GTF2H1: variants seen among roughly 807,000 people sequenced by gnomAD.
The protein encoded by GTF2H1 is general transcription factor IIH subunit 1, also known as BTF2 p62.
GTF2H1 carries 16 observed loss-of-function variants against 71.2 expected under a neutral mutation model. The ratio of observed to expected loss-of-function variants is 0.22; its 90% CI spans 0.15 to 0.34. The LOEUF (loss-of-function observed/expected upper bound fraction) is 0.34. Ranked by LOEUF, GTF2H1 falls within the 10% of genes least tolerant of loss-of-function variation. The pLI is 1.00. For missense variants in GTF2H1, 498 were observed against 648.2 expected, an observed-to-expected ratio of 0.77 and a Z score of 2.52; for synonymous variants, 215 against 219.0, an observed-to-expected ratio of 0.98 and a Z score of 0.16.
At position 18,322,609 on chromosome 11, in the gene GTF2H1, CAG is replaced by C. The variant is rs1371890305; in HGVS notation, c.-144_-143del. The stretch of plus-strand genomic sequence containing the variant: ...CGATGGAGGCGAGACCCCCTAGTAA[CAG>C]AGGCGGTGGCTACTGCTGCGGCCAC... On this transcript the variant is annotated 5_prime_UTR_variant, in exon 1 of 15. The change abolishes the stop of an existing upstream ORF in the 5' untranslated region. Transcript: ENST00000265963. 2 of 152,256 alleles carry C rather than the reference CAG, an allele frequency of 1.3e-5. No individual in the cohort carries two copies. The highest frequency in any genetic ancestry group is 2.4e-5 in the African/African-American group (1 of 41,452). The allele number at this position is 152,256 out of a possible 1,614,324, so 9.4% of individuals were successfully genotyped here.
intron 3 of GTF2H1, among the ~76,000 whole-genome samples, chr11:18,336,926 T>C (rs1019388055): frequency 2.6e-5 from 4 of 151,948 alleles, no homozygotes; most frequent in Non-Finnish European, 4.4e-5. Context: ...GGCCAATTTT[T>C]CTATTTTTAA....
At chr11:18,339,682 T>C in intron 5 of GTF2H1, 25 bp downstream of exon 5, 1 of 1,300,142 alleles carries the variant, frequency 7.7e-7, no homozygotes, top group Admixed American at 1.7e-5. Flanking sequence ...TTCTTTCAGA[T>C]GGTTAAAATA....
chr11:18,322,677 A>G lies in GTF2H1; in HGVS notation c.-79A>G, dbSNP rs947460135. 2.6e-5 allele frequency: 4 copies of G among 151,376 alleles called. No homozygotes were observed. The highest frequency in any genetic ancestry group is 5.9e-5 in the Non-Finnish European group (4 of 67,950). The allele number at this position is 151,376 out of a possible 1,614,324, so 9.4% of individuals were successfully genotyped here. The stretch of plus-strand genomic sequence containing the variant: ...TCCCAGCAGCGGCTCTAAGAAGCGC[A>G]GCGGAACTCGACCGGATCCAACCCA... On this transcript the variant is annotated 5_prime_UTR_variant, in exon 1 of 15. Coordinates refer to ENST00000265963, the MANE Select transcript of GTF2H1 (RefSeq NM_005316.4).
At chr11:18,357,583 A>T (rs1298216922) in intron 11 of GTF2H1, among the ~76,000 whole-genome samples, 1 of 152,206 alleles carries the variant, frequency 6.6e-6, no homozygotes, top group South Asian at 2.1e-4. Flanking sequence ...AACAAAGGAT[A>T]CAGGTTAACA....
At chr11:18,332,827 A>G (rs1864931828) in intron 1 of GTF2H1, 3 of 339,296 alleles carry the variant, frequency 8.8e-6, no homozygotes, top group Admixed American at 4.5e-5. Context: ...TCATTAGCAT[A>G]TAAGTATTGT....
intron 11 of GTF2H1, among the ~76,000 whole-genome samples, chr11:18,356,248 C>T (rs1404314676): frequency 1.3e-5 from 2 of 151,870 alleles, no homozygotes; most frequent in Admixed American, 6.6e-5. Flanking sequence ...TATGGTGGTG[C>T]GTACCTGTAG....
intron 7 of GTF2H1, among the ~76,000 whole-genome samples, chr11:18,345,305 T>C (rs1006852273): frequency 1.3e-5 from 2 of 152,326 alleles, no homozygotes; most frequent in African/African-American, 4.8e-5. Flanking sequence ...CCCTCTGTTT[T>C]ATTCAATGAC....
In GTF2H1 at chr11:18,365,789, A is replaced by G; in HGVS notation, c.1567A>G (p.Ser523Gly). 1 of 1,611,382 alleles carries G rather than the reference A, an allele frequency of 6.2e-7. No homozygotes were observed. The highest frequency in any genetic ancestry group is 1.7e-5 in the Admixed American group (1 of 59,994). The change falls in exon 15 of 15, where the codon AGT (serine) becomes GGT (glycine). Residue 523 changes from serine to glycine, a missense_variant. Transcript: ENST00000265963. ...GTCTTGCTGTGTTTTTCAGTTGGTA[A>G]GTCACATAGAAGAGATGCTCCAGAC... is the stretch of plus-strand genomic sequence containing the variant. ...RRQYLSTNLV[S>G]HIEEMLQTAY...
chr11:18,325,794 A>G (rs1864749191), intron 1 of GTF2H1, among the ~76,000 whole-genome samples: 1 of 152,240 alleles, frequency 6.6e-6, no homozygotes, highest in Non-Finnish European at 1.5e-5. Flanking sequence ...CTGCAAATAA[A>G]TTAATGCCTT....
intron 1 of GTF2H1, among the ~76,000 whole-genome samples, chr11:18,323,842 A>G (rs1376849318): frequency 6.6e-6 from 1 of 152,208 alleles, no homozygotes; most frequent in African/African-American, 2.4e-5. Context: ...TAATTAAGCC[A>G]AAGTTGCCAA....
At chr11:18,341,434 A>G (rs746330815) in intron 6 of GTF2H1, 24 bp downstream of exon 6, 3 of 1,612,658 alleles carry the variant, frequency 1.9e-6, no homozygotes, top group South Asian at 1.1e-5. Context: ...TCTGATAGAC[A>G]CTGGTATTTA....
intron 3 of GTF2H1, among the ~76,000 whole-genome samples, chr11:18,337,571 T>G (rs1865059828): frequency 6.6e-6 from 1 of 152,166 alleles, no homozygotes; most frequent in Admixed American, 6.5e-5. Context: ...ATCCACAGAT[T>G]CAACCAACTT....
chr11:18,360,645 T>A lies in GTF2H1; in HGVS notation c.1498T>A (p.Phe500Ile), dbSNP rs1481025715. 1 of 1,560,206 alleles carries A rather than the reference T, an allele frequency of 6.4e-7. No individual in the cohort carries two copies. Among genetic ancestry groups the A allele is most frequent in the African/African-American group, 1.4e-5 (1 of 71,564 alleles). Reference protein sequence around the residue: ...VVKMKSNLERFQVTKLCPFQE... With the variant: ...VVKMKSNLERIQVTKLCPFQE... ...GAAAATGAAAAGTAATTTGGAACGA[T>A]TCCAAGTTACGAAGCTCTGTCCATT... Residue 500 changes from phenylalanine (F) to isoleucine (I), a missense_variant, in exon 14 of 15, where the codon TTC becomes ATC. By Grantham distance (21) the Phe-to-Ile change is conservative. Transcript: ENST00000265963.
intron 14 of GTF2H1, among the ~76,000 whole-genome samples, chr11:18,365,077 A>AG (rs1491095886): frequency 6.7e-6 from 1 of 150,232 alleles, no homozygotes; most frequent in Non-Finnish European, 1.5e-5. Flanking sequence ...TATTTAAAAA[A>AG]GAAAAAAAAA....
intron 7 of GTF2H1, among the ~76,000 whole-genome samples, chr11:18,342,246 CTG>C (rs1194166825): frequency 2.4e-5 from 3 of 124,516 alleles, no homozygotes; most frequent in Admixed American, 9.2e-5. Flanking sequence ...TCTTCTTTTT[CTG>C]TCTCTTTTTT....
At chr11:18,357,818 T>G in intron 11 of GTF2H1, 134 bp from the exon 12 acceptor site, 9 of 696,992 alleles carry the variant, frequency 1.3e-5, no homozygotes, top group Non-Finnish European at 2.4e-5. Flanking sequence ...CTTTGACCAC[T>G]GTAAATGATG....
rs1237007148 is a variant in GTF2H1, at chr11:18,366,784, T to C, written c.*915T>C. 5.9e-5 allele frequency: 9 copies of C among 152,352 alleles called. No homozygotes were observed. 9.4% of individuals were successfully genotyped at this position (152,352 alleles called of 1,614,324 possible). A position where few individuals can be genotyped will look rare whatever the true frequency, so the allele number is the denominator to read the frequency against. ...ATATTAAAAAAATCTTATTTTCACC[T>C]CTTTAGAAGAAATAAAAGATGTTTC... On this transcript the variant is annotated 3_prime_UTR_variant, in exon 15 of 15. Transcript: ENST00000265963.
intron 3 of GTF2H1, among the ~76,000 whole-genome samples, chr11:18,337,052 C>T (rs1451050926): frequency 6.6e-6 from 1 of 152,184 alleles, no homozygotes; most frequent in Non-Finnish European, 1.5e-5. Flanking sequence ...CACCTGGCCA[C>T]AATTTCCTTA....
At chr11:18,324,804 A>G (rs975528134) in intron 1 of GTF2H1, among the ~76,000 whole-genome samples, 1 of 152,198 alleles carries the variant, frequency 6.6e-6, no homozygotes, top group African/African-American at 2.4e-5. Flanking sequence ...GTCAGCATGC[A>G]GTATTTATTA....
Sources: allele counts gnomAD v4.1 joint callset (sites outside exome capture counted in the v4.1 genomes callset), GRCh38; gene constraint gnomAD v4.1.1; transcripts MANE v1.5; gene names NCBI Gene and HGNC (gene_info 2026-07-23, HGNC 2026-07-21).